CLUL1: variants seen among roughly 807,000 people sequenced by gnomAD.
The protein encoded by CLUL1 is clusterin like 1.
In CLUL1, 43 loss-of-function variants were observed where a neutral mutation model predicts 49.4. The ratio of observed to expected loss-of-function variants is 0.87; its 90% CI spans 0.68 to 1.12. The LOEUF (loss-of-function observed/expected upper bound fraction) is 1.12. Among genes scored for constraint, CLUL1 ranks in the 50% most tolerant of loss-of-function variants. The pLI is 0.00. For missense variants in CLUL1, 486 were observed against 544.4 expected (o/e 0.89, Z 1.07); for synonymous variants, 192 against 184.9 (o/e 1.04, Z -0.31).
intron 9 of CLUL1, 198 bp from the exon 10 acceptor site, chr18:649,700 C>G: frequency 2.0e-6 from 1 of 497,456 alleles, no homozygotes; most frequent in Non-Finnish European, 3.6e-6. Context: ...AAAGCTGTGA[C>G]GATTTCTTCA....
intron 2 of CLUL1, chr18:613,420 G>C (rs968315081): frequency 4.9e-5 from 12 of 244,196 alleles, no homozygotes; most frequent in Non-Finnish European, 8.5e-5. Context: ...TTACAGGCAT[G>C]AGCCACTGTG....
At chr18:649,001 A>G (rs2074597858) in intron 9 of CLUL1, among the ~76,000 whole-genome samples, 1 of 152,172 alleles carries the variant, frequency 6.6e-6, no homozygotes, top group Non-Finnish European at 1.5e-5. Flanking sequence ...GAAAATTTTT[A>G]TCTTATTGTT....
chr18:605,943 G>C (rs1005747537), intron 1 of CLUL1, among the ~76,000 whole-genome samples: 4 of 152,174 alleles, frequency 2.6e-5, no homozygotes, highest in African/African-American at 9.7e-5. Flanking sequence ...GGGATTGCAG[G>C]CGTGAGCCAC....
At chr18:640,799 T>G (rs897050247) in intron 7 of CLUL1, among the ~76,000 whole-genome samples, 1 of 152,212 alleles carries the variant, frequency 6.6e-6, no homozygotes, top group African/African-American at 2.4e-5. Flanking sequence ...AATTATAATT[T>G]CATTACTGAT....
rs777531325 is a variant in CLUL1 at position 627,120 on chromosome 18, A to G, written c.447A>G (p.Ile149Met). Residue 149 changes from isoleucine to methionine, a missense_variant, in exon 6 of 10, where the codon ATA becomes ATG. Transcript: ENST00000692774. ...KNKIERFFRK[I>M]YQFLFPFHED... The stretch of plus-strand genomic sequence containing the variant: ...AGATTGAACGGTTTTTCAGGAAGAT[A>G]TATCAATTTCTATTTCCTTTCCATG... 2 of 1,611,738 alleles carry G rather than the reference A, an allele frequency of 1.2e-6. No individual in the cohort carries two copies. Among genetic ancestry groups the G allele is most frequent in the Non-Finnish European group, 1.7e-6 (2 of 1,178,326 alleles).
Position 633,350 on chromosome 18 carries a change from A to G in CLUL1, c.909A>G (p.Gly303=), listed in dbSNP as rs1567971869. Residue 303 remains glycine, a synonymous_variant, in exon 7 of 10, where the codon GGA becomes GGG. Transcript: ENST00000692774. The stretch of plus-strand genomic sequence containing the variant: ...AGATGTTACCTGGGCAGGACAGAGG[A>G]CTGTGTGGGGAACTTGACCAGAATT... ...ISKMLPGQDR[G]LCGELDQNLS... 1 of 1,613,702 alleles carries G rather than the reference A, an allele frequency of 6.2e-7. No individual in the cohort carries two copies. Among genetic ancestry groups the G allele is most frequent in the South Asian group, 1.1e-5 (1 of 91,068 alleles).
At chr18:636,848 A>G (rs1022804257) in intron 7 of CLUL1, among the ~76,000 whole-genome samples, 1 of 151,652 alleles carries the variant, frequency 6.6e-6, no homozygotes, top group African/African-American at 2.4e-5. Flanking sequence ...GCTGGTGGCG[A>G]ACTCCTGACC....
chr18:617,969 G>C lies in CLUL1; in HGVS notation c.-13-19G>C, dbSNP rs755989171. The C allele has an allele frequency of 4.4e-6, 7 of 1,601,502 alleles. No individual in the cohort carries two copies. The African/African-American group carries it at 9.4e-5, about 21-fold the overall frequency. ...ACCAAATGGAAGACATTTGATGCGGGTTTATTTTTCCTTTGCAGTAACAGC... is the reference window on the plus strand; with the variant it reads ...ACCAAATGGAAGACATTTGATGCGGCTTTATTTTTCCTTTGCAGTAACAGC... On this transcript the variant is annotated intron_variant, in intron 2 of 9. Transcript: ENST00000692774.
intron 8 of CLUL1, among the ~76,000 whole-genome samples, chr18:642,544 C>T (rs1424861657): frequency 6.6e-6 from 1 of 152,232 alleles, no homozygotes; most frequent in Non-Finnish European, 1.5e-5. Flanking sequence ...CTTCCTAAGA[C>T]ATCCCCCCTC....
In CLUL1 at chr18:619,237, A is replaced by G; in HGVS notation, c.131A>G (p.Asp44Gly). The G allele has an allele frequency of 6.2e-7, 1 of 1,613,862 alleles. No homozygotes were observed. Among genetic ancestry groups the G allele is most frequent in the Non-Finnish European group, 8.5e-7 (1 of 1,179,946 alleles). ...GGTTTTTCTGAGGTGGGGGAGATAGATGCAGATGAAGAGGTGAAGAAGGCT... is the reference window on the plus strand; with the variant it reads ...GGTTTTTCTGAGGTGGGGGAGATAGGTGCAGATGAAGAGGTGAAGAAGGCT... ...LKSFSEVGEI[D>G]ADEEVKKALT... Residue 44 changes from aspartate to glycine, a missense_variant, in exon 4 of 10, where the codon GAT becomes GGT. Asp to Gly is a moderately conservative substitution (Grantham distance 94). Transcript: ENST00000692774.
chr18:646,468 A>G (rs2074509864), intron 9 of CLUL1, among the ~76,000 whole-genome samples: 2 of 149,588 alleles, frequency 1.3e-5, no homozygotes, highest in South Asian at 2.1e-4. Flanking sequence ...GGAGCTTCCT[A>G]TCCAACAGGG....
intron 5 of CLUL1, among the ~76,000 whole-genome samples, chr18:626,449 G>T (rs1448133077): frequency 2.0e-5 from 3 of 152,156 alleles, no homozygotes; most frequent in Admixed American, 2.0e-4. Context: ...CAAAGGCAAA[G>T]TCAGGTATAA....
intron 1 of CLUL1, among the ~76,000 whole-genome samples, chr18:600,936 G>A (rs1025630557): frequency 3.9e-5 from 6 of 152,154 alleles, no homozygotes; most frequent in Admixed American, 2.6e-4. Flanking sequence ...CCAGGACTCA[G>A]GGTTTCCCAG....
intron 2 of CLUL1, among the ~76,000 whole-genome samples, chr18:616,161 A>G (rs1156587822): frequency 6.6e-6 from 1 of 152,242 alleles, no homozygotes; most frequent in African/African-American, 2.4e-5. Context: ...ATTAAGGGCT[A>G]CATTTTCAGT....
intron 4 of CLUL1, among the ~76,000 whole-genome samples, chr18:624,527 T>C (rs1203874864): frequency 6.6e-6 from 1 of 152,078 alleles, no homozygotes; most frequent in Non-Finnish European, 1.5e-5. Context: ...TACCGGTAAA[T>C]AGGTAAATCA....
At chr18:623,799 C>T (rs2073586241) in intron 4 of CLUL1, among the ~76,000 whole-genome samples, 5 of 152,144 alleles carry the variant, frequency 3.3e-5, no homozygotes, top group Admixed American at 2.6e-4. Flanking sequence ...TGCTACGTGG[C>T]TTAGCAGCCA....
At chr18:648,960 A>G (rs2074596620) in intron 9 of CLUL1, among the ~76,000 whole-genome samples, 1 of 152,136 alleles carries the variant, frequency 6.6e-6, no homozygotes, top group African/African-American at 2.4e-5. Context: ...CTGGCCTGGC[A>G]TTTCAATTTT....
rs532712392 is a variant in CLUL1, at chr18:639,418, G to A, written c.995-1909G>A. ...TGCACTCCAGCCTGGGTGACAGAGCGAGACTCCATCTCAAAAAAAAAAAAA... is the reference window on the plus strand; with the variant it reads ...TGCACTCCAGCCTGGGTGACAGAGCAAGACTCCATCTCAAAAAAAAAAAAA... On this transcript the variant is annotated intron_variant, in intron 7 of 9. Coordinates refer to ENST00000692774, the MANE Select transcript of CLUL1 (RefSeq NM_001393344.1). 1.2e-3 allele frequency among the ~76,000 whole-genome samples: 143 copies of A among 122,618 alleles called. 1 individual carries two copies. The highest frequency in any genetic ancestry group is 3.9e-3 in the African/African-American group (121 of 30,824). 80.4% of individuals were successfully genotyped at this position (122,618 alleles called of 152,430 possible).
In CLUL1 at chr18:606,984, G is replaced by T; in HGVS notation, c.-129G>T. ...TTTCTTTTCTTTTCTTTAGAGTTGC[G>T]TCCCTCTCGGTTGCCAGGCTGGAGT... On this transcript the variant is annotated 5_prime_UTR_variant, in exon 2 of 10. Transcript: ENST00000692774. The surrounding 1 kb of genome is among the most constrained non-coding windows in gnomAD (Gnocchi z 4.1). 1.6e-6 allele frequency: 1 copy of T among 640,832 alleles called. No individual in the cohort carries two copies. The highest frequency in any genetic ancestry group is 2.8e-6 in the Non-Finnish European group (1 of 357,948). The allele number at this position is 640,832 out of a possible 1,614,324, so 39.7% of individuals were successfully genotyped here. A position where few individuals can be genotyped will look rare whatever the true frequency, so the allele number is the denominator to read the frequency against.
Sources: allele counts gnomAD v4.1 joint callset (sites outside exome capture counted in the v4.1 genomes callset), GRCh38; gene constraint gnomAD v4.1.1; non-coding constraint Gnocchi (gnomAD v3.1); transcripts MANE v1.5; gene names NCBI Gene and HGNC (gene_info 2026-07-23, HGNC 2026-07-21).